The following TMEM217B variants were observed in gnomAD, a reference collection of about 807,000 sequenced individuals.
TMEM217B encodes transmembrane protein 217B.
chr6:37,217,114 G>A, the TMEM217B span, among the ~76,000 whole-genome samples: 9 of 152,110 alleles, frequency 5.9e-5, no homozygotes, highest in African/African-American at 2.2e-4. Context: ...ACCAACATGG[G>A]GAAACCCCGT....
chr6:37,223,283 G>T, the TMEM217B span, among the ~76,000 whole-genome samples: 1,078 of 151,650 alleles, frequency 7.1e-3, 17 homozygotes, highest in African/African-American at 0.025. Context: ...TTGCTAGAAG[G>T]ATAAATGAAA....
chr6:37,258,031 T>C, the TMEM217B span: 3 of 1,576,000 alleles, frequency 1.9e-6, no homozygotes, highest in Non-Finnish European at 2.6e-6. Flanking sequence ...CAGATCCTAA[T>C]CCCTGAATCC....
At chr6:37,236,776 GCA>G in the TMEM217B span, among the ~76,000 whole-genome samples, 1 of 152,144 alleles carries the variant, frequency 6.6e-6, no homozygotes, top group African/African-American at 2.4e-5. Flanking sequence ...TTCAGACAGA[GCA>G]CAGTTAGCTT....
At chr6:37,216,180 G>A in the TMEM217B span, among the ~76,000 whole-genome samples, 3 of 152,070 alleles carry the variant, frequency 2.0e-5, no homozygotes, top group African/African-American at 7.2e-5. Flanking sequence ...CCAAGTTCAA[G>A]CAATTCTCCT....
the TMEM217B span, among the ~76,000 whole-genome samples, chr6:37,233,894 G>A: frequency 6.6e-6 from 1 of 152,028 alleles, no homozygotes; most frequent in South Asian, 2.1e-4. Flanking sequence ...AACAATACTT[G>A]GAGTACCCAT....
At chr6:37,223,966 C>T in the TMEM217B span, among the ~76,000 whole-genome samples, 1 of 147,780 alleles carries the variant, frequency 6.8e-6, no homozygotes, top group South Asian at 2.1e-4. Context: ...GAGACAGGAT[C>T]TCACTCTGTC....
the TMEM217B span, among the ~76,000 whole-genome samples, chr6:37,246,997 C>T: frequency 6.6e-6 from 1 of 152,012 alleles, no homozygotes; most frequent in Non-Finnish European, 1.5e-5. Context: ...GGATTTCATT[C>T]TAAGTGTAGC....
the TMEM217B span, chr6:37,212,962 A>T: frequency 6.5e-7 from 1 of 1,548,958 alleles, no homozygotes; most frequent in Non-Finnish European, 8.7e-7. Context: ...GAACATCCTG[A>T]CATTCATTTT....
chr6:37,212,266 C>T, the TMEM217B span: 3 of 348,776 alleles, frequency 8.6e-6, no homozygotes, highest in African/African-American at 4.3e-5. Context: ...ATCCGCACAA[C>T]CTGCCCTCTC....
the TMEM217B span, among the ~76,000 whole-genome samples, chr6:37,246,413 GAT>G: frequency 1.2e-4 from 18 of 152,170 alleles, no homozygotes; most frequent in Non-Finnish European, 2.9e-5. Context: ...GGAAACATAT[GAT>G]ACTTCTTGAG....
chr6:37,236,699 A>C, the TMEM217B span, among the ~76,000 whole-genome samples: 1 of 152,090 alleles, frequency 6.6e-6, no homozygotes. Context: ...TTCTATAACA[A>C]ATTACCCCAA....
the TMEM217B span, among the ~76,000 whole-genome samples, chr6:37,226,047 C>A: frequency 1.3e-5 from 2 of 152,132 alleles, no homozygotes; most frequent in Non-Finnish European, 2.9e-5. Flanking sequence ...CATTATACTA[C>A]CTAAACTTCT....
the TMEM217B span, among the ~76,000 whole-genome samples, chr6:37,234,001 A>G: frequency 1.3e-5 from 2 of 152,102 alleles, no homozygotes; most frequent in South Asian, 4.1e-4. Context: ...TTTTTTTATT[A>G]GATGATTTTG....
At chr6:37,223,567 G>A in the TMEM217B span, among the ~76,000 whole-genome samples, 1 of 152,268 alleles carries the variant, frequency 6.6e-6, no homozygotes, top group East Asian at 1.9e-4. Context: ...GGAGTACAGT[G>A]GCGTGATCTC....
At chr6:37,243,304 T>C in the TMEM217B span, among the ~76,000 whole-genome samples, 25 of 152,332 alleles carry the variant, frequency 1.6e-4, no homozygotes, top group Admixed American at 8.5e-4. Context: ...GTTTTCCAGC[T>C]TTCTGTGCAG....
At chr6:37,215,597 A>AG in the TMEM217B span, among the ~76,000 whole-genome samples, 1 of 146,884 alleles carries the variant, frequency 6.8e-6, no homozygotes, top group Non-Finnish European at 1.5e-5. Flanking sequence ...AAAAAAAAAA[A>AG]AAAAGAAAAG....
At chr6:37,224,615 G>GAA in the TMEM217B span, among the ~76,000 whole-genome samples, 28 of 149,510 alleles carry the variant, frequency 1.9e-4, no homozygotes, top group African/African-American at 3.2e-4. Flanking sequence ...ACAAACAAAC[G>GAA]AAAAAAAAAC....
chr6:37,212,403 A>C, the TMEM217B span: 1 of 395,638 alleles, frequency 2.5e-6, no homozygotes, highest in Non-Finnish European at 5.1e-6. Flanking sequence ...CTTTCCTGGC[A>C]TCTGGCATGG....
At chr6:37,217,209 G>A in the TMEM217B span, among the ~76,000 whole-genome samples, 3 of 152,202 alleles carry the variant, frequency 2.0e-5, no homozygotes, top group East Asian at 1.9e-4. Flanking sequence ...CTGGAGAATC[G>A]CTTAAACCCG....
Sources: gnomAD v4.1 joint callset for allele counts (sites outside exome capture counted in the v4.1 genomes callset) on GRCh38, gnomAD v4.1.1 for gene constraint, MANE v1.5 for transcripts, NCBI Gene and HGNC (gene_info 2026-07-23, HGNC 2026-07-21) for gene names.